The following GRID2 variants were observed in gnomAD, a reference collection of about 807,000 sequenced individuals.
The protein encoded by GRID2 is glutamate receptor ionotropic, delta-2.
A neutral mutation model predicts 114.8 loss-of-function variants in GRID2; 33 were observed. That is an observed-to-expected ratio of 0.29 (90% CI 0.22 to 0.38). The LOEUF is 0.38. Ranked by LOEUF, GRID2 falls within the 10% of genes least tolerant of loss-of-function variation. GRID2 has a pLI of 1.00. For synonymous variants in GRID2, 505 were observed against 449.9 expected (o/e 1.12, Z -1.55); for missense variants, 1,184 against 1,257.7 (o/e 0.94, Z 0.89).
intron 14 of GRID2, among the ~76,000 whole-genome samples, chr4:93,760,976 A>G (rs1181881730): frequency 1.2e-4 from 19 of 152,200 alleles, no homozygotes; most frequent in Admixed American, 1.2e-3. Flanking sequence ...CTTTTGGAAC[A>G]TGGGCACTTC....
At chr4:92,906,557 C>G (rs904959004) in intron 2 of GRID2, among the ~76,000 whole-genome samples, 1 of 152,116 alleles carries the variant, frequency 6.6e-6, no homozygotes. Context: ...AGTTTCTAAA[C>G]TACAAGGGAA....
intron 8 of GRID2, among the ~76,000 whole-genome samples, chr4:93,347,692 G>A (rs1312387542): frequency 1.3e-5 from 2 of 152,036 alleles, no homozygotes; most frequent in African/African-American, 4.8e-5. Context: ...TAACAACCCT[G>A]TAAGGTAATT....
chr4:92,342,295 T>C (rs1320699540), intron 1 of GRID2, among the ~76,000 whole-genome samples: 1 of 152,132 alleles, frequency 6.6e-6, no homozygotes, highest in South Asian at 2.1e-4. Flanking sequence ...ATTCAACAGT[T>C]AAATAATGCA....
intron 1 of GRID2, among the ~76,000 whole-genome samples, chr4:92,472,475 G>T (rs1722095170): frequency 6.6e-6 from 1 of 152,074 alleles, no homozygotes; most frequent in African/African-American, 2.4e-5. Context: ...CATTTGGTTG[G>T]TATAAGTTTA....
intron 6 of GRID2, among the ~76,000 whole-genome samples, chr4:93,221,087 A>G (rs920406828): frequency 6.6e-6 from 1 of 152,188 alleles, no homozygotes; most frequent in South Asian, 2.1e-4. Flanking sequence ...GTATCACACA[A>G]ATCATATTTG....
At chr4:92,474,561 A>G (rs1349405173) in intron 1 of GRID2, among the ~76,000 whole-genome samples, 2 of 152,196 alleles carry the variant, frequency 1.3e-5, no homozygotes, top group African/African-American at 4.8e-5. Context: ...ATCATAAGGT[A>G]CTTCTATTTT....
At chr4:92,933,105 A>T (rs1750369783) in intron 2 of GRID2, among the ~76,000 whole-genome samples, 1 of 150,814 alleles carries the variant, frequency 6.6e-6, no homozygotes. Context: ...AATACAACTG[A>T]TAAGAATTAT....
chr4:93,307,249 A>AG (rs889491846), intron 8 of GRID2, among the ~76,000 whole-genome samples: 1 of 152,030 alleles, frequency 6.6e-6, no homozygotes, highest in Admixed American at 6.6e-5. Context: ...AAGGAAAAAA[A>AG]GAAATAACCT....
intron 2 of GRID2, among the ~76,000 whole-genome samples, chr4:92,721,450 TAAAG>T (rs1368516768): frequency 6.6e-6 from 1 of 152,034 alleles, no homozygotes; most frequent in African/African-American, 2.4e-5. Context: ...AATTTATAAA[TAAAG>T]CATAGTGAAA....
intron 8 of GRID2, among the ~76,000 whole-genome samples, chr4:93,252,274 C>T (rs1003337867): frequency 4.3e-4 from 64 of 149,520 alleles, no homozygotes; most frequent in African/African-American, 1.4e-3. Flanking sequence ...GTTTCAATTT[C>T]CTGCATATGG....
chr4:93,124,117 GAA>G (rs67692016), intron 4 of GRID2, among the ~76,000 whole-genome samples: 15 of 143,816 alleles, frequency 1.0e-4, no homozygotes, highest in Middle Eastern at 3.5e-3. Flanking sequence ...AAAAAAAAAA[GAA>G]AAAAAAAAAA....
chr4:92,833,371 A>G (rs186492577), intron 2 of GRID2, among the ~76,000 whole-genome samples: 93 of 152,320 alleles, frequency 6.1e-4, no homozygotes, highest in African/African-American at 2.1e-3. Context: ...CATAAACCCC[A>G]TCAAGGGCTG....
intron 1 of GRID2, among the ~76,000 whole-genome samples, chr4:92,499,926 T>A (rs1324053149): frequency 1.3e-5 from 2 of 152,242 alleles, no homozygotes; most frequent in African/African-American, 4.8e-5. Flanking sequence ...ATGAATGTTT[T>A]TATACATCCA....
chr4:93,006,422 T>A (rs777314335), intron 2 of GRID2, among the ~76,000 whole-genome samples: 3 of 151,866 alleles, frequency 2.0e-5, no homozygotes, highest in Middle Eastern at 3.2e-3. Context: ...AGCACAGATA[T>A]AAGAACAGAT....
intron 1 of GRID2, among the ~76,000 whole-genome samples, chr4:92,465,860 G>A (rs889071448): frequency 6.6e-6 from 1 of 151,808 alleles, no homozygotes; most frequent in Non-Finnish European, 1.5e-5. Context: ...TATAGATGTG[G>A]TAATAAACAA....
At chr4:93,441,455 A>G (rs1258768564) in intron 10 of GRID2, among the ~76,000 whole-genome samples, 1 of 151,932 alleles carries the variant, frequency 6.6e-6, no homozygotes, top group Non-Finnish European at 1.5e-5. Context: ...CTAGAAAGGT[A>G]GTTGATGCAA....
chr4:93,690,590 A>C (rs986603381), intron 14 of GRID2, among the ~76,000 whole-genome samples: 1 of 151,982 alleles, frequency 6.6e-6, no homozygotes, highest in East Asian at 1.9e-4. Context: ...TGAGGAAAAT[A>C]GTAAACAATT....
intron 1 of GRID2, among the ~76,000 whole-genome samples, chr4:92,505,056 A>T (rs947696102): frequency 6.6e-6 from 1 of 152,026 alleles, no homozygotes; most frequent in Non-Finnish European, 1.5e-5. Context: ...TGGTGCGAAG[A>T]TGGCATCAAG....
intron 13 of GRID2, among the ~76,000 whole-genome samples, chr4:93,613,914 G>T (rs1283842953): frequency 6.6e-6 from 1 of 151,762 alleles, no homozygotes; most frequent in Admixed American, 6.5e-5. Context: ...CCCCAGCCTA[G>T]TTGCCGCCTT....
Sources: allele counts gnomAD v4.1 joint callset (sites outside exome capture counted in the v4.1 genomes callset), GRCh38; gene constraint gnomAD v4.1.1; transcripts MANE v1.5; gene names NCBI Gene and HGNC (gene_info 2026-07-23, HGNC 2026-07-21).